The following RUNDC1 variants were observed in gnomAD, a reference collection of about 807,000 sequenced individuals.
RUNDC1 encodes the protein RUN domain containing 1.
In RUNDC1, 31 loss-of-function variants were observed where a neutral mutation model predicts 49.3. The observed-to-expected ratio is 0.63, with a 90% CI of 0.47 to 0.85. The LOEUF (loss-of-function observed/expected upper bound fraction) is 0.85. Ranked by LOEUF, RUNDC1 falls within the 40% of genes least tolerant of loss-of-function variation. The pLI is 0.00. For synonymous variants in RUNDC1, 347 were observed against 348.6 expected (o/e 1.00, Z 0.05); for missense variants, 715 against 806.7 (o/e 0.89, Z 1.38).
chr17:42,980,584 C>G lies in RUNDC1; in HGVS notation c.8C>G (p.Ala3Gly). Residue 3 changes from alanine to glycine, a missense_variant, in exon 1 of 5, where the codon GCT becomes GGT. By Grantham distance (60) the Ala-to-Gly change is moderately conservative (BLOSUM62 0). This residue lies in a region of RUNDC1 where 153 missense variants were observed against 139.4 expected (regional missense o/e 1.10). Transcript: ENST00000361677. MA[A>G]VEAAAEPVTV... is the part of the protein sequence containing the mutation. Reference sequence around the variant, plus strand: ...GGTGGTGTTTCCGGGAAGATGGCGGCTGTCGAAGCGGCTGCAGAGCCGGTA... The same window carrying G: ...GGTGGTGTTTCCGGGAAGATGGCGGGTGTCGAAGCGGCTGCAGAGCCGGTA... 1 of 1,609,486 alleles carries G rather than the reference C, an allele frequency of 6.2e-7. No individual in the cohort carries two copies. Among genetic ancestry groups the G allele is most frequent in the Non-Finnish European group, 8.5e-7 (1 of 1,179,046 alleles).
chr17:42,984,817 T>G (rs945803531), intron 1 of RUNDC1, among the ~76,000 whole-genome samples: 1 of 152,130 alleles, frequency 6.6e-6, no homozygotes, highest in Admixed American at 6.6e-5. Context: ...CTTAGGCTGG[T>G]TAGACAACTT....
rs772592238 is a variant in RUNDC1, at chr17:42,989,589, A to G, written c.856+50A>G. 11 of 1,518,172 alleles carry G rather than the reference A, an allele frequency of 7.2e-6. No homozygotes were observed. In the African/African-American group the frequency reaches 1.4e-4, roughly 19 times the overall value. The allele number at this position is 1,518,172 out of a possible 1,614,324, so 94.0% of individuals were successfully genotyped here. ...AGGGTGGACAGGTGTCATAATAATT[A>G]TACTTATTCTAAGTACTAGTAAAAA... is the stretch of plus-strand genomic sequence containing the variant. On this transcript the variant is annotated intron_variant, in intron 3 of 4. Transcript: ENST00000361677.
intron 2 of RUNDC1, among the ~76,000 whole-genome samples, chr17:42,988,603 CTATAATGCACCTTGATATTT>C (rs1217374494): frequency 2.6e-5 from 4 of 152,072 alleles, no homozygotes; most frequent in Non-Finnish European, 5.9e-5. Context: ...GATATTTTGG[CTATAATGCACCTTGATATTT>C]TATAGAGATT....
intron 1 of RUNDC1, among the ~76,000 whole-genome samples, chr17:42,984,958 C>T (rs1362881190): frequency 3.7e-4 from 49 of 131,932 alleles, no homozygotes; most frequent in East Asian, 4.6e-4. Context: ...TGCAATGCTG[C>T]GGTCTTGGCT....
At chr17:42,985,616 TTTCA>T (rs1221479797) in intron 1 of RUNDC1, 52 of 382,682 alleles carry the variant, frequency 1.4e-4, no homozygotes, top group African/African-American at 8.4e-4. Context: ...TTTTTTTTTT[TTTCA>T]TTTCTTCTCT....
chr17:42,990,803 T>C (rs1485059845), intron 4 of RUNDC1, 48 bp from the exon 5 acceptor site: 2 of 1,543,278 alleles, frequency 1.3e-6, no homozygotes, highest in Non-Finnish European at 1.7e-6. Flanking sequence ...AGTGTAGCTC[T>C]GTGCCATCAT....
intron 1 of RUNDC1, among the ~76,000 whole-genome samples, chr17:42,986,682 T>C (rs1368374167): frequency 1.3e-5 from 2 of 151,898 alleles, no homozygotes; most frequent in Admixed American, 6.6e-5. Context: ...TTTGTATTTT[T>C]AGTAGAGACG....
chr17:42,980,808 C>G lies in RUNDC1; in HGVS notation c.232C>G (p.Arg78Gly). The part of the protein sequence containing the change: ...APGSPPDSPG[R>G]TLRRLRAERR... Reference sequence around the variant, plus strand: ...GGGCTCCCCGCCGGATTCGCCGGGCCGGACGCTGCGGCGGCTGCGGGCAGA... The same window carrying G: ...GGGCTCCCCGCCGGATTCGCCGGGCGGGACGCTGCGGCGGCTGCGGGCAGA... Residue 78 changes from arginine (R) to glycine (G), a missense_variant, in exon 1 of 5, where the codon CGG becomes GGG. Transcript: ENST00000361677. The G allele has an allele frequency of 7.2e-7, 1 of 1,380,534 alleles. No homozygotes were observed. Among genetic ancestry groups the G allele is most frequent in the Non-Finnish European group, 9.3e-7 (1 of 1,078,984 alleles). The allele number at this position is 1,380,534 out of a possible 1,614,324, so 85.5% of individuals were successfully genotyped here.
Position 42,980,972 on chromosome 17 carries a change from C to T in RUNDC1, c.396C>T (p.Arg132=), listed in dbSNP as rs1266319487. ...LLRELEDFAF[R]GCPHVLGYEG... ...GGGAGCTCGAAGACTTCGCCTTCCG[C>T]GGCTGCCCTCACGTCCTAGGTTACG... Residue 132 remains arginine (R), a synonymous_variant, in exon 1 of 5, where the codon CGC becomes CGT. Transcript: ENST00000361677. 6.5e-7 allele frequency: 1 copy of T among 1,542,964 alleles called. No homozygotes were observed. The highest frequency in any genetic ancestry group is 8.7e-7 in the Non-Finnish European group (1 of 1,150,512).
At chr17:42,981,283 G>C in intron 1 of RUNDC1, 1 of 603,732 alleles carries the variant, frequency 1.7e-6, no homozygotes, top group Non-Finnish European at 2.8e-6. Flanking sequence ...CGGTGTGCAC[G>C]GAGGATGTGG....
chr17:42,993,363 T>A lies in RUNDC1; in HGVS notation c.*1647T>A, dbSNP rs1032229309. 1.3e-5 allele frequency: 2 copies of A among 152,228 alleles called. No individual in the cohort carries two copies. Among genetic ancestry groups the A allele is most frequent in the African/African-American group, 4.8e-5 (2 of 41,458 alleles). The allele number at this position is 152,228 out of a possible 1,614,324, so 9.4% of individuals were successfully genotyped here. Reference sequence around the variant, plus strand: ...GGGCAAAATGTATCACTCCAAACACTACTGATTCAGCATTGTTTTCATGTC... The same window carrying A: ...GGGCAAAATGTATCACTCCAAACACAACTGATTCAGCATTGTTTTCATGTC... On this transcript the variant is annotated 3_prime_UTR_variant, in exon 5 of 5. Coordinates refer to ENST00000361677, the MANE Select transcript of RUNDC1 (RefSeq NM_173079.5).
At chr17:42,984,146 A>G (rs2151957239) in intron 1 of RUNDC1, among the ~76,000 whole-genome samples, 1 of 150,984 alleles carries the variant, frequency 6.6e-6, no homozygotes, top group Non-Finnish European at 1.5e-5. Flanking sequence ...ATTAAAAAAT[A>G]TATTTTTTCT....
chr17:42,991,418 G>A lies in RUNDC1; in HGVS notation c.1544G>A (p.Ser515Asn). ...GGCACTGTTGTCACCCCCAAACAGA[G>A]CCTACTGACAGCCATCCACATGGTG... The part of the protein sequence containing the change: ...TGGTVVTPKQ[S>N]LLTAIHMVLT... The change falls in exon 5 of 5, where the codon AGC (serine) becomes AAC (asparagine). Residue 515 changes from serine to asparagine, a missense_variant. Physicochemically the swap from Ser to Asn is conservative, Grantham distance 46. Coordinates refer to ENST00000361677, the MANE Select transcript of RUNDC1 (RefSeq NM_173079.5). 1 of 1,614,228 alleles carries A rather than the reference G, an allele frequency of 6.2e-7. No individual in the cohort carries two copies. The highest frequency in any genetic ancestry group is 2.2e-5 in the East Asian group (1 of 44,886).
chr17:42,989,695 C>T (rs1360796516), intron 3 of RUNDC1, among the ~76,000 whole-genome samples, 156 bp downstream of exon 3: 2 of 152,108 alleles, frequency 1.3e-5, no homozygotes, highest in African/African-American at 4.8e-5. Context: ...AGTGCAGTGG[C>T]ACAATCTTGG....
chr17:42,994,035 T>G lies in RUNDC1; in HGVS notation c.*2319T>G, dbSNP rs1597764822. On this transcript the variant is annotated 3_prime_UTR_variant, in exon 5 of 5. Coordinates refer to ENST00000361677, the MANE Select transcript of RUNDC1 (RefSeq NM_173079.5). ...CCACCACGCCTGGCTAATGTTTGTA[T>G]TTTTAATAGAGAGGGTTTCACCACA... Among the ~76,000 whole-genome samples the G allele has an allele frequency of 6.6e-6, 1 of 152,304 alleles. No individual in the cohort carries two copies. The highest frequency in any genetic ancestry group is 1.9e-4 in the East Asian group (1 of 5,180).
chr17:42,985,182 C>T (rs942351276), intron 1 of RUNDC1, among the ~76,000 whole-genome samples: 3 of 152,102 alleles, frequency 2.0e-5, no homozygotes, highest in South Asian at 2.1e-4. Context: ...CCACTGCGTT[C>T]GGCCATACTT....
At chr17:42,985,912 T>A (rs963282844) in intron 1 of RUNDC1, among the ~76,000 whole-genome samples, 1 of 152,222 alleles carries the variant, frequency 6.6e-6, no homozygotes, top group African/African-American at 2.4e-5. Context: ...AGATACTTTT[T>A]TTTAAAAACG....
chr17:42,981,204 G>A, intron 1 of RUNDC1, 130 bp downstream of exon 1: 1 of 1,233,552 alleles, frequency 8.1e-7, no homozygotes. Context: ...GTGTGTCGGA[G>A]ACCAGGGGAC....
At position 42,990,478 on chromosome 17, in the gene RUNDC1, A is replaced by G. The variant is rs1012641829; in HGVS notation, c.976+42A>G. 3.7e-6 allele frequency: 6 copies of G among 1,600,358 alleles called. No homozygotes were observed. The African/African-American group carries it at 8.0e-5, about 21-fold the overall frequency. ...GAACAGGCAAATCTCTAGAGACAGA[A>G]AGTAGATGAGTGGTTGCCTAGGGCT... is the stretch of plus-strand genomic sequence containing the variant. On this transcript the variant is annotated intron_variant, in intron 4 of 4. Coordinates refer to ENST00000361677, the MANE Select transcript of RUNDC1 (RefSeq NM_173079.5).
Sources: gnomAD v4.1 joint callset for allele counts (sites outside exome capture counted in the v4.1 genomes callset) on GRCh38, gnomAD v4.1.1 for gene constraint, gnomAD v4.1.1 regional missense constraint, MANE v1.5 for transcripts, NCBI Gene and HGNC (gene_info 2026-07-23, HGNC 2026-07-21) for gene names.